Variants in TRPS1 observed in about 807,000 individuals in gnomAD.
TRPS1 encodes the protein transcriptional repressor GATA binding 1.
A neutral mutation model predicts 101.2 loss-of-function variants in TRPS1; 6 were observed. That is an observed-to-expected ratio of 0.06 (90% CI 0.03 to 0.12). TRPS1 has a LOEUF of 0.12. Among genes scored for constraint, TRPS1 ranks in the 10% least tolerant of loss-of-function variants. The pLI is 1.00. For synonymous variants in TRPS1, 578 were observed against 589.8 expected (o/e 0.98, Z 0.29); for missense variants, 1,363 against 1,567.0 (o/e 0.87, Z 2.20).
intron 5 of TRPS1, among the ~76,000 whole-genome samples, chr8:115,509,133 T>C (rs1292191621): frequency 6.6e-6 from 1 of 152,022 alleles, no homozygotes; most frequent in Non-Finnish European, 1.5e-5. Context: ...CATTTCTTTT[T>C]TCCTGTATGA....
At chr8:115,515,655 T>G (rs1815692448) in intron 5 of TRPS1, among the ~76,000 whole-genome samples, 1 of 151,490 alleles carries the variant, frequency 6.6e-6, no homozygotes, top group Non-Finnish European at 1.5e-5. Context: ...AAGCTAAAAT[T>G]ACATCATGTT....
intron 5 of TRPS1, among the ~76,000 whole-genome samples, chr8:115,578,993 T>G (rs1452974867): frequency 6.6e-6 from 1 of 152,068 alleles, no homozygotes. Context: ...GACTCTAGAA[T>G]TGCCAGAGCT....
intron 5 of TRPS1, among the ~76,000 whole-genome samples, chr8:115,428,763 T>C (rs945803805): frequency 6.6e-6 from 1 of 152,168 alleles, no homozygotes; most frequent in African/African-American, 2.4e-5. Context: ...TGAACCTGAA[T>C]TTCATTTATT....
intron 5 of TRPS1, among the ~76,000 whole-genome samples, chr8:115,508,569 A>C (rs1249050529): frequency 6.6e-6 from 1 of 151,902 alleles, no homozygotes; most frequent in African/African-American, 2.4e-5. Flanking sequence ...CGATCATCTG[A>C]TCATCTTGGC....
At chr8:115,528,467 G>A (rs1816054161) in intron 5 of TRPS1, among the ~76,000 whole-genome samples, 1 of 151,924 alleles carries the variant, frequency 6.6e-6, no homozygotes, top group Admixed American at 6.6e-5. Context: ...TAAAGTATGA[G>A]TCCACACCAA....
chr8:115,419,869 C>T (rs147321656), intron 5 of TRPS1, among the ~76,000 whole-genome samples: 37 of 152,286 alleles, frequency 2.4e-4, no homozygotes, highest in Admixed American at 1.2e-3. Flanking sequence ...ATTGCTGATG[C>T]CTGCTCACTC....
At chr8:115,626,657 C>T (rs1250473790) in intron 1 of TRPS1, among the ~76,000 whole-genome samples, 1 of 151,772 alleles carries the variant, frequency 6.6e-6, no homozygotes. Flanking sequence ...AAATAAATCT[C>T]TTATTAATTC....
chr8:115,460,509 T>C (rs1814142679), intron 5 of TRPS1, among the ~76,000 whole-genome samples: 1 of 152,078 alleles, frequency 6.6e-6, no homozygotes, highest in African/African-American at 2.4e-5. Flanking sequence ...TTTATTTTTA[T>C]TTTCAGATAA....
intron 5 of TRPS1, among the ~76,000 whole-genome samples, chr8:115,475,235 G>T (rs559494805): frequency 1.5e-5 from 2 of 137,334 alleles, no homozygotes; most frequent in South Asian, 4.5e-4. Flanking sequence ...GATGATGGAA[G>T]GTAATTTTAC....
intron 5 of TRPS1, among the ~76,000 whole-genome samples, chr8:115,423,985 T>C (rs1222481297): frequency 6.6e-6 from 1 of 152,208 alleles, no homozygotes; most frequent in Non-Finnish European, 1.5e-5. Flanking sequence ...GAATGATTTA[T>C]TAAAGTGGCT....
chr8:115,479,063 G>C (rs1563760461), intron 5 of TRPS1, among the ~76,000 whole-genome samples: 1 of 151,420 alleles, frequency 6.6e-6, no homozygotes, highest in East Asian at 1.9e-4. Context: ...CGAGTATTTT[G>C]GGGGGAAAAA....
intron 3 of TRPS1, among the ~76,000 whole-genome samples, chr8:115,616,453 C>T (rs1300619426): frequency 6.6e-6 from 1 of 151,968 alleles, no homozygotes; most frequent in Non-Finnish European, 1.5e-5. Context: ...TTATTTAAAA[C>T]CATCCATGTC....
intron 1 of TRPS1, among the ~76,000 whole-genome samples, chr8:115,627,774 A>T (rs927112986): frequency 2.0e-5 from 3 of 151,796 alleles, no homozygotes; most frequent in African/African-American, 7.2e-5. Flanking sequence ...TATTAACTCA[A>T]TCCACCAATA....
chr8:115,434,109 C>T (rs1490717760), intron 5 of TRPS1, among the ~76,000 whole-genome samples: 1 of 126 alleles, frequency 7.9e-3, no homozygotes, highest in Non-Finnish European at 0.021. Context: ...GATATCCATT[C>T]AGACTACCTT....
intron 5 of TRPS1, among the ~76,000 whole-genome samples, chr8:115,559,470 A>C (rs781149487): frequency 6.6e-6 from 1 of 152,138 alleles, no homozygotes; most frequent in Non-Finnish European, 1.5e-5. Context: ...CTCACGCACC[A>C]CAAATGGTTT....
chr8:115,520,471 C>G (rs998009313), intron 5 of TRPS1, among the ~76,000 whole-genome samples: 1 of 151,712 alleles, frequency 6.6e-6, no homozygotes, highest in Non-Finnish European at 1.5e-5. Context: ...ACTCAGTAGT[C>G]AAACTTATTG....
chr8:115,549,710 G>T (rs535105468), intron 5 of TRPS1, among the ~76,000 whole-genome samples: 43 of 148,984 alleles, frequency 2.9e-4, no homozygotes, highest in African/African-American at 9.8e-4. Context: ...ACAGCCCTTT[G>T]GAGTTAAGAT....
chr8:115,533,436 G>GTTTTTTT lies in TRPS1; in HGVS notation c.2700+53558_2700+53564dup, dbSNP rs1161916592. Among the ~76,000 whole-genome samples the GTTTTTTT allele has an allele frequency of 3.7e-3, 128 of 34,968 alleles. 15 individuals are homozygous for GTTTTTTT. The highest frequency in any genetic ancestry group is 0.011 in the African/African-American group (102 of 9,600). The allele number at this position is 34,968 out of a possible 152,430, so 22.9% of individuals were successfully genotyped here. On this transcript the variant is annotated intron_variant, in intron 5 of 6. Transcript: ENST00000395715. ...GGGGCCCGCTTCCCACATGTAATCTGTTTTTTTTTTTTTTTTTTTTTTTCC... is the reference window on the plus strand; with the variant it reads ...GGGGCCCGCTTCCCACATGTAATCTGTTTTTTTTTTTTTTTTTTTTTTTTTTTTTTCC...
chr8:115,515,299 G>A (rs772732094), intron 5 of TRPS1: 45 of 695,838 alleles, frequency 6.5e-5, no homozygotes, highest in Non-Finnish European at 1.0e-4. Context: ...GCAGTAACAC[G>A]AAGAAGTACA....
Sources: gnomAD v4.1 joint callset for allele counts (sites outside exome capture counted in the v4.1 genomes callset) on GRCh38, gnomAD v4.1.1 for gene constraint, MANE v1.5 for transcripts, NCBI Gene and HGNC (gene_info 2026-07-23, HGNC 2026-07-21) for gene names.